Variants in STAU2 observed in about 807,000 individuals in gnomAD.
STAU2 encodes the protein staufen double-stranded RNA binding protein 2.
Under a neutral mutation model 65.9 loss-of-function variants are expected in STAU2, and 20 were observed. The observed-to-expected ratio is 0.30, with a 90% CI of 0.21 to 0.44. The LOEUF is 0.44. STAU2 is among the 20% of genes least tolerant of loss of function. The pLI is 1.00. For synonymous variants in STAU2, 232 were observed against 233.9 expected (o/e 0.99, Z 0.07); for missense variants, 558 against 683.9 (o/e 0.82, Z 2.05).
At chr8:73,677,887 T>C (rs1169868262) in intron 5 of STAU2, among the ~76,000 whole-genome samples, 1 of 152,168 alleles carries the variant, frequency 6.6e-6, no homozygotes, top group Non-Finnish European at 1.5e-5. Context: ...TTTCAGACAC[T>C]CTCCTGTTTC....
intron 6 of STAU2, among the ~76,000 whole-genome samples, chr8:73,630,329 T>C (rs535003041): frequency 6.6e-6 from 1 of 152,350 alleles, no homozygotes; most frequent in East Asian, 1.9e-4. Flanking sequence ...CCTCTTTATC[T>C]TTGCCATGTA....
chr8:73,506,795 T>A (rs1414132596), intron 13 of STAU2, among the ~76,000 whole-genome samples: 2 of 152,248 alleles, frequency 1.3e-5, no homozygotes, highest in East Asian at 1.9e-4. Context: ...AAAATCGGAG[T>A]CTATCCTCTC....
chr8:73,625,333 T>C (rs542512358), intron 6 of STAU2, among the ~76,000 whole-genome samples: 15 of 152,256 alleles, frequency 9.9e-5, no homozygotes, highest in African/African-American at 3.6e-4. Flanking sequence ...GATGAATAAA[T>C]AAAATGTGGT....
At chr8:73,632,039 A>C in intron 6 of STAU2, among the ~76,000 whole-genome samples, 1 of 152,058 alleles carries the variant, frequency 6.6e-6, no homozygotes, top group South Asian at 2.1e-4. Flanking sequence ...AGAGGGAGGA[A>C]AGGAGAGAGA....
chr8:73,516,676 T>C (rs975941785), intron 13 of STAU2, among the ~76,000 whole-genome samples: 4 of 152,174 alleles, frequency 2.6e-5, no homozygotes, highest in Non-Finnish European at 5.9e-5. Context: ...GAAGGTGTAT[T>C]GCTAAGGGAG....
chr8:73,549,057 TAA>T (rs1807138648), intron 13 of STAU2, among the ~76,000 whole-genome samples: 1 of 152,190 alleles, frequency 6.6e-6, no homozygotes, highest in Admixed American at 6.5e-5. Context: ...TTTTGCATAA[TAA>T]GTTTCTTTAA....
At chr8:73,689,261 ATAT>A (rs1819159796) in intron 4 of STAU2, among the ~76,000 whole-genome samples, 1 of 152,202 alleles carries the variant, frequency 6.6e-6, no homozygotes, top group African/African-American at 2.4e-5. Context: ...ATTCTATTAA[ATAT>A]TATACTACCA....
intron 13 of STAU2, among the ~76,000 whole-genome samples, chr8:73,501,640 G>C (rs1009673077): frequency 1.3e-5 from 2 of 151,794 alleles, no homozygotes; most frequent in Non-Finnish European, 2.9e-5. Flanking sequence ...TGTTTTCCTG[G>C]GGAAAGAATC....
chr8:73,741,902 A>G (rs1806912158), intron 1 of STAU2, among the ~76,000 whole-genome samples: 2 of 152,252 alleles, frequency 1.3e-5, no homozygotes, highest in Admixed American at 1.3e-4. Context: ...CATACGATTT[A>G]AATATTCTGT....
chr8:73,500,301 G>A (rs193268369), intron 13 of STAU2, among the ~76,000 whole-genome samples: 2 of 151,932 alleles, frequency 1.3e-5, no homozygotes, highest in East Asian at 1.9e-4. Context: ...TTATAATACC[G>A]AATACAATGC....
chr8:73,459,678 C>T (rs969670718), intron 13 of STAU2, among the ~76,000 whole-genome samples: 25 of 152,300 alleles, frequency 1.6e-4, no homozygotes, highest in African/African-American at 4.6e-4. Context: ...CACGCAGCTC[C>T]GCCTCCACAT....
At position 73,541,411 on chromosome 8, in the gene STAU2, A is replaced by C. The variant is rs1806535734; in HGVS notation, c.1530+10601T>G. Reference sequence around the variant, plus strand: ...CAGCTGAGGGATACCACCATGGAGAAGATAAAGCTTGCAGTTTTAGCTTAA... The same window carrying C: ...CAGCTGAGGGATACCACCATGGAGACGATAAAGCTTGCAGTTTTAGCTTAA... On this transcript the variant is annotated intron_variant, in intron 13 of 14. Transcript: ENST00000524300. 1.3e-5 allele frequency among the ~76,000 whole-genome samples: 2 copies of C among 152,184 alleles called. 1 individual carries two copies. Among genetic ancestry groups the C allele is most frequent in the Admixed American group, 1.3e-4 (2 of 15,274 alleles).
chr8:73,637,814 T>A (rs1814659533), intron 6 of STAU2, among the ~76,000 whole-genome samples: 1 of 152,018 alleles, frequency 6.6e-6, no homozygotes, highest in African/African-American at 2.4e-5. Context: ...TTCTTTAAGA[T>A]ATAGACTAAA....
At chr8:73,718,549 G>A (rs1821418970) in intron 3 of STAU2, among the ~76,000 whole-genome samples, 1 of 152,176 alleles carries the variant, frequency 6.6e-6, no homozygotes, top group Non-Finnish European at 1.5e-5. Flanking sequence ...TGTGCACTGG[G>A]TGATTCAAAA....
chr8:73,723,323 T>G (rs1185598104), intron 3 of STAU2, among the ~76,000 whole-genome samples: 1 of 152,252 alleles, frequency 6.6e-6, no homozygotes, highest in East Asian at 1.9e-4. Flanking sequence ...ATCAACATTA[T>G]GACAAAATGA....
chr8:73,711,668 G>A (rs922458698), intron 3 of STAU2, among the ~76,000 whole-genome samples: 1 of 152,028 alleles, frequency 6.6e-6, no homozygotes, highest in Non-Finnish European at 1.5e-5. Flanking sequence ...AACCCGTTTG[G>A]TATGAAAACC....
At chr8:73,490,464 C>G (rs1489121125) in intron 13 of STAU2, among the ~76,000 whole-genome samples, 2 of 152,116 alleles carry the variant, frequency 1.3e-5, no homozygotes, top group Middle Eastern at 3.4e-3. Flanking sequence ...AGCTAATGAA[C>G]TTGTAAAACT....
At chr8:73,702,756 A>G (rs1317679033) in intron 4 of STAU2, among the ~76,000 whole-genome samples, 1 of 152,158 alleles carries the variant, frequency 6.6e-6, no homozygotes, top group African/African-American at 2.4e-5. Context: ...ACACTTCACT[A>G]AAGGTATACA....
intron 6 of STAU2, chr8:73,653,767 G>T: frequency 3.9e-6 from 1 of 255,900 alleles, no homozygotes; most frequent in Non-Finnish European, 7.6e-6. Flanking sequence ...AACCACTTAG[G>T]TAAACAGTTT....
Sources: allele counts gnomAD v4.1 joint callset (sites outside exome capture counted in the v4.1 genomes callset), GRCh38; gene constraint gnomAD v4.1.1; transcripts MANE v1.5; gene names NCBI Gene and HGNC (gene_info 2026-07-23, HGNC 2026-07-21).